BCL2: variants seen among roughly 807,000 people sequenced by gnomAD.
BCL2 encodes the protein apoptosis regulator Bcl-2.
BCL2 carries 1 observed loss-of-function variant against 14.2 expected under a neutral mutation model. The ratio of observed to expected loss-of-function variants is 0.07; its 90% CI spans 0.02 to 0.33. The LOEUF (loss-of-function observed/expected upper bound fraction) is 0.33, where lower values mean the gene tolerates loss of function less well. BCL2 is among the 10% of genes least tolerant of loss of function. The pLI, the probability that BCL2 is intolerant of heterozygous loss-of-function variation, is 0.99. For missense variants in BCL2, 247 were observed against 305.9 expected, an observed-to-expected ratio of 0.81 and a Z score of 1.44; for synonymous variants, 151 against 137.2, an observed-to-expected ratio of 1.10 and a Z score of -0.70.
chr18:63,171,055 G>A (rs1465755977), intron 2 of BCL2, among the ~76,000 whole-genome samples: 1 of 152,158 alleles, frequency 6.6e-6, no homozygotes, highest in Admixed American at 6.5e-5. Flanking sequence ...GCTTTTATGA[G>A]ATTTTCTTAC....
intron 2 of BCL2, among the ~76,000 whole-genome samples, chr18:63,227,062 A>AT (rs1275546689): frequency 1.5e-4 from 23 of 152,124 alleles, no homozygotes; most frequent in African/African-American, 5.3e-4. Context: ...ACAAAAAAAA[A>AT]TTTTAAAGCA....
At position 63,126,842 on chromosome 18, in the gene BCL2, C is replaced by T; in HGVS notation, c.*1783G>A. On this transcript the variant is annotated 3_prime_UTR_variant, in exon 3 of 3. Coordinates refer to ENST00000333681, the MANE Select transcript of BCL2 (RefSeq NM_000633.3). ...TTTAAAGCAGCTTTCGAAATATCAA[C>T]CACAGCATTAAACATTGAACAGAGT... is the stretch of plus-strand genomic sequence containing the variant. 4.4e-6 allele frequency: 1 copy of T among 228,488 alleles called. No individual in the cohort carries two copies. Among genetic ancestry groups the T allele is most frequent in the East Asian group, 6.3e-5 (1 of 15,912 alleles). 14.2% of individuals were successfully genotyped at this position (228,488 alleles called of 1,614,324 possible). A position where few individuals can be genotyped will look rare whatever the true frequency, so the allele number is the denominator to read the frequency against.
chr18:63,253,622 G>A (rs570636433), intron 2 of BCL2, among the ~76,000 whole-genome samples: 4 of 152,278 alleles, frequency 2.6e-5, no homozygotes, highest in Admixed American at 6.5e-5. Context: ...TGAGATGGCC[G>A]TTGGAGATTT....
intron 2 of BCL2, among the ~76,000 whole-genome samples, chr18:63,249,235 C>T (rs1911235809): frequency 6.6e-6 from 1 of 152,188 alleles, no homozygotes; most frequent in African/African-American, 2.4e-5. Flanking sequence ...CAATTCATGT[C>T]TAATCACATT....
At chr18:63,180,977 C>T (rs886856625) in intron 2 of BCL2, among the ~76,000 whole-genome samples, 8 of 152,192 alleles carry the variant, frequency 5.3e-5, no homozygotes, top group Admixed American at 1.3e-4. Context: ...ATCCAAGGGG[C>T]TTTTCATGCC....
intron 2 of BCL2, among the ~76,000 whole-genome samples, chr18:63,285,081 C>T (rs184891580): frequency 1.7e-4 from 26 of 152,326 alleles, no homozygotes; most frequent in Non-Finnish European, 2.6e-4. Flanking sequence ...CCTTCAGGGC[C>T]GCCCACAGCT....
chr18:63,168,727 G>A (rs918879550), intron 2 of BCL2, among the ~76,000 whole-genome samples: 4 of 152,166 alleles, frequency 2.6e-5, no homozygotes, highest in African/African-American at 4.8e-5. Context: ...GGCCTCTGTC[G>A]CCTAAATTTC....
chr18:63,266,591 A>C (rs1267423076), intron 2 of BCL2, among the ~76,000 whole-genome samples: 1 of 148,910 alleles, frequency 6.7e-6, no homozygotes, highest in African/African-American at 2.5e-5. Context: ...CCCGGAACCA[A>C]TTTGGAACAT....
intron 2 of BCL2, among the ~76,000 whole-genome samples, chr18:63,218,422 C>CT (rs1029448265): frequency 6.6e-6 from 1 of 152,032 alleles, no homozygotes; most frequent in Admixed American, 6.5e-5. Flanking sequence ...TCTTCCCTTT[C>CT]TTTTTTTTCT....
At chr18:63,302,314 A>AAAG (rs1912986148) in intron 2 of BCL2, 1 of 978,518 alleles carries the variant, frequency 1.0e-6, no homozygotes, top group African/African-American at 1.8e-5. Context: ...AAAAAAAAAA[A>AAAG]AGAGAGAGAA....
intron 2 of BCL2, among the ~76,000 whole-genome samples, chr18:63,177,808 C>T (rs1198834854): frequency 1.3e-5 from 2 of 152,172 alleles, no homozygotes; most frequent in Non-Finnish European, 2.9e-5. Flanking sequence ...AGCTTCCAAG[C>T]TGACTCTGTT....
intron 2 of BCL2, among the ~76,000 whole-genome samples, chr18:63,237,369 G>A (rs1462731714): frequency 6.6e-6 from 1 of 152,104 alleles, no homozygotes; most frequent in Non-Finnish European, 1.5e-5. Flanking sequence ...ATAATAGGGC[G>A]GATGACCAAG....
chr18:63,286,482 G>T (rs910506416), intron 2 of BCL2, among the ~76,000 whole-genome samples: 19 of 152,114 alleles, frequency 1.2e-4, no homozygotes, highest in South Asian at 2.1e-4. Context: ...TAGCTGGGAC[G>T]TAAGATTAGG....
At chr18:63,231,740 T>C (rs945885462) in intron 2 of BCL2, among the ~76,000 whole-genome samples, 1 of 152,056 alleles carries the variant, frequency 6.6e-6, no homozygotes, top group African/African-American at 2.4e-5. Flanking sequence ...GTGAGAAGAT[T>C]CCACAATTTC....
In BCL2 at chr18:63,318,919, G is replaced by A. The variant is rs1423303468; in HGVS notation, c.-253C>T. ...TCATGAGGCACGTTATTATTAGTAA[G>A]TATTGTTAATATCAGTCTACTTCCT... On this transcript the variant is annotated 5_prime_UTR_variant, in exon 2 of 3. Coordinates refer to ENST00000333681, the MANE Select transcript of BCL2 (RefSeq NM_000633.3). The surrounding 1 kb of genome is among the most constrained non-coding windows in gnomAD (Gnocchi z 7.4). 1 of 1,392,492 alleles carries A rather than the reference G, an allele frequency of 7.2e-7. No individual in the cohort carries two copies. Among genetic ancestry groups the A allele is most frequent in the African/African-American group, 1.5e-5 (1 of 67,334 alleles). 86.3% of individuals were successfully genotyped at this position (1,392,492 alleles called of 1,614,324 possible). A position where few individuals can be genotyped will look rare whatever the true frequency, so the allele number is the denominator to read the frequency against.
intron 2 of BCL2, among the ~76,000 whole-genome samples, chr18:63,175,174 A>C (rs955189900): frequency 6.6e-6 from 1 of 152,238 alleles, no homozygotes; most frequent in African/African-American, 2.4e-5. Context: ...CATTCATGAA[A>C]AAATACTGGA....
intron 2 of BCL2, among the ~76,000 whole-genome samples, chr18:63,270,927 C>A (rs1350296197): frequency 6.6e-6 from 1 of 152,022 alleles, no homozygotes; most frequent in Non-Finnish European, 1.5e-5. Flanking sequence ...TCAAGCAATT[C>A]TTGTGCCTCA....
chr18:63,279,053 T>C (rs1599286927), intron 2 of BCL2, among the ~76,000 whole-genome samples: 1 of 152,306 alleles, frequency 6.6e-6, no homozygotes, highest in Non-Finnish European at 1.5e-5. Flanking sequence ...TCCAGGTGCA[T>C]TATGTAGATA....
At chr18:63,143,800 T>G (rs1914433264) in intron 2 of BCL2, among the ~76,000 whole-genome samples, 2 of 152,246 alleles carry the variant, frequency 1.3e-5, no homozygotes, top group South Asian at 4.1e-4. Flanking sequence ...GCAGAAACCT[T>G]GGAGCGAGTT....
Sources: allele counts gnomAD v4.1 joint callset (sites outside exome capture counted in the v4.1 genomes callset), GRCh38; gene constraint gnomAD v4.1.1; non-coding constraint Gnocchi (gnomAD v3.1); transcripts MANE v1.5; gene names NCBI Gene and HGNC (gene_info 2026-07-23, HGNC 2026-07-21).